GMEB2: variants seen among roughly 807,000 people sequenced by gnomAD.
GMEB2 encodes the protein glucocorticoid modulatory element-binding protein 2.
GMEB2 carries 7 observed loss-of-function variants against 45.7 expected under a neutral mutation model. That is an observed-to-expected ratio of 0.15 (90% CI 0.09 to 0.29). The LOEUF (loss-of-function observed/expected upper bound fraction) is 0.29, where lower values mean the gene tolerates loss of function less well. Among genes scored for constraint, GMEB2 ranks in the 10% least tolerant of loss-of-function variants. GMEB2 has a pLI of 1.00. For synonymous variants in GMEB2, 322 were observed against 323.6 expected, an observed-to-expected ratio of 1.00 and a Z score of 0.05; for missense variants, 582 against 739.2, an observed-to-expected ratio of 0.79 and a Z score of 2.47.
intron 4 of GMEB2, among the ~76,000 whole-genome samples, chr20:63,601,335 C>A (rs1274403185): frequency 6.6e-6 from 1 of 152,130 alleles, no homozygotes; most frequent in Non-Finnish European, 1.5e-5. Context: ...CTCAGACTCT[C>A]TCTCCTCCTT....
At chr20:63,611,174 A>T (rs2089567254) in intron 2 of GMEB2, among the ~76,000 whole-genome samples, 2 of 152,220 alleles carry the variant, frequency 1.3e-5, no homozygotes, top group South Asian at 4.1e-4. Context: ...CCAGCCTGGG[A>T]CACACAGCAC....
chr20:63,597,282 T>C (rs1435700467), intron 5 of GMEB2, among the ~76,000 whole-genome samples: 1 of 150,730 alleles, frequency 6.6e-6, no homozygotes, highest in East Asian at 1.9e-4. Context: ...CACCTTAGCC[T>C]CTCGAGCAGC....
intron 1 of GMEB2, among the ~76,000 whole-genome samples, chr20:63,622,803 A>C (rs1038855079): frequency 5.3e-5 from 8 of 152,230 alleles, no homozygotes; most frequent in Admixed American, 3.9e-4. Flanking sequence ...TGGTGGTTAA[A>C]CACCATGAAG....
Position 63,590,708 on chromosome 20 carries a change from T to G in GMEB2, c.974A>C (p.Glu325Ala), listed in dbSNP as rs986357667. 1 of 1,518,372 alleles carries G rather than the reference T, an allele frequency of 6.6e-7. No homozygotes were observed. The highest frequency in any genetic ancestry group is 8.9e-7 in the Non-Finnish European group (1 of 1,128,514). The allele number at this position is 1,518,372 out of a possible 1,614,324, so 94.1% of individuals were successfully genotyped here. Reference protein sequence around the residue: ...DLAALEQQCDEHRRRAKELKH... With the variant: ...DLAALEQQCDAHRRRAKELKH... ...CAGCTCCTTGGCTCGGCGACGATGC[T>G]CATCACACTGCTGCTCCAGGGCTGC... The change falls in exon 10 of 10, where the codon GAG becomes GCG. Residue 325 changes from glutamate (E) to alanine (A), a missense_variant. This residue lies in a region of GMEB2 where 462 missense variants were observed against 586.7 expected (regional missense o/e 0.79). Transcript: ENST00000370077.
In GMEB2 at chr20:63,593,012, T is replaced by C. The variant is rs1309259689; in HGVS notation, c.690A>G (p.Gly230=). ...EDPGDWTAAI[G]DDTFTFWRGL... ...AGCCCACAAGGAGGAACCTCGTACC[T>C]CCAATGGCCGCGGTCCAGTCGCCAG... Residue 230 remains glycine, a splice_region_variant and synonymous_variant, in exon 7 of 10, where the codon GGA becomes GGG. Coordinates refer to ENST00000370077, the MANE Select transcript of GMEB2 (RefSeq NM_012384.5). This position sits in a 1 kb window ranked among gnomAD's most constrained non-coding sequence, Gnocchi z 4.7. The C allele has an allele frequency of 6.2e-7, 1 of 1,604,112 alleles. No homozygotes were observed. The highest frequency in any genetic ancestry group is 1.7e-5 in the Admixed American group (1 of 59,492).
chr20:63,597,714 G>C (rs1039762611), intron 5 of GMEB2, 43 bp downstream of exon 5: 3 of 1,058,806 alleles, frequency 2.8e-6, no homozygotes, highest in Admixed American at 3.4e-5. Context: ...AGAGCTGCCA[G>C]GGCCCCTTCC....
intron 1 of GMEB2, among the ~76,000 whole-genome samples, chr20:63,625,584 G>A (rs1175513258): frequency 6.6e-6 from 1 of 151,164 alleles, no homozygotes; most frequent in Non-Finnish European, 1.5e-5. Context: ...AATCAGATAT[G>A]AGAAAATATT....
chr20:63,616,098 T>C (rs988847064), intron 2 of GMEB2, among the ~76,000 whole-genome samples: 4 of 152,248 alleles, frequency 2.6e-5, no homozygotes, highest in Non-Finnish European at 5.9e-5. Context: ...AAAATGGTTA[T>C]ATTTAATTTT....
Position 63,590,261 on chromosome 20 carries a change from G to A in GMEB2, c.1421C>T (p.Pro474Leu). ...DGSTVFKVVS[P>L]LQLLTLPGLG... is the part of the protein sequence containing the mutation. Reference sequence around the variant, plus strand: ...GCCAGGCAACGTGAGCAGCTGTAGCGGGCTGACCACCTTGAACACCGTGCT... The same window carrying A: ...GCCAGGCAACGTGAGCAGCTGTAGCAGGCTGACCACCTTGAACACCGTGCT... Residue 474 changes from proline (P) to leucine (L), a missense_variant, in exon 10 of 10, where the codon CCG becomes CTG. Coordinates refer to ENST00000370077, the MANE Select transcript of GMEB2 (RefSeq NM_012384.5). 1 of 1,612,488 alleles carries A rather than the reference G, an allele frequency of 6.2e-7. No homozygotes were observed. The highest frequency in any genetic ancestry group is 8.5e-7 in the Non-Finnish European group (1 of 1,179,800).
rs762408424 is a variant in GMEB2 at position 63,592,004 on chromosome 20, G to A, written c.952+18C>T. The A allele has an allele frequency of 1.2e-6, 2 of 1,603,164 alleles. No homozygotes were observed. Among genetic ancestry groups the A allele is most frequent in the African/African-American group, 1.3e-5 (1 of 74,960 alleles). On this transcript the variant is annotated intron_variant, in intron 9 of 9. Transcript: ENST00000370077. The surrounding 1 kb of genome is among the most constrained non-coding windows in gnomAD (Gnocchi z 8.2). ...AGCCTACCGCCCAGGGGACGGGACGGGGGTGGTCTCAGCATACCTGCCAGG... is the reference window on the plus strand; with the variant it reads ...AGCCTACCGCCCAGGGGACGGGACGAGGGTGGTCTCAGCATACCTGCCAGG...
chr20:63,618,841 T>C (rs571848924), intron 2 of GMEB2, among the ~76,000 whole-genome samples: 3 of 152,346 alleles, frequency 2.0e-5, no homozygotes, highest in African/African-American at 4.8e-5. Context: ...TTTGGGCAAA[T>C]GTTAGCGTTT....
chr20:63,601,670 C>T (rs1356578610), intron 4 of GMEB2, among the ~76,000 whole-genome samples: 3 of 152,244 alleles, frequency 2.0e-5, no homozygotes, highest in Admixed American at 6.5e-5. Context: ...CCATGGCACC[C>T]GGCCTCTTTT....
At chr20:63,599,203 G>GCAGCCGC (rs1569050880) in intron 4 of GMEB2, among the ~76,000 whole-genome samples, 2 of 148,156 alleles carry the variant, frequency 1.3e-5, no homozygotes, top group Admixed American at 6.7e-5. Flanking sequence ...CGGAGCTAAC[G>GCAGCCGC]TGGCCGCTCC....
intron 4 of GMEB2, among the ~76,000 whole-genome samples, chr20:63,598,831 G>A (rs1210479743): frequency 2.6e-5 from 4 of 152,214 alleles, no homozygotes; most frequent in African/African-American, 7.2e-5. Flanking sequence ...CACTGGCTGT[G>A]ACTGAGGCTG....
At chr20:63,624,865 G>A (rs879275272) in intron 1 of GMEB2, among the ~76,000 whole-genome samples, 4 of 150,892 alleles carry the variant, frequency 2.7e-5, no homozygotes, top group Admixed American at 6.6e-5. Context: ...CCACCACCAC[G>A]CCCGGCTAAT....
intron 2 of GMEB2, among the ~76,000 whole-genome samples, chr20:63,607,241 C>T (rs1432839599): frequency 1.4e-5 from 2 of 140,462 alleles, no homozygotes; most frequent in Non-Finnish European, 3.1e-5. Context: ...TGACCCACCT[C>T]CATTTCTAGA....
chr20:63,612,588 C>T (rs2089578940), intron 2 of GMEB2, among the ~76,000 whole-genome samples: 1 of 152,244 alleles, frequency 6.6e-6, no homozygotes, highest in South Asian at 2.1e-4. Flanking sequence ...CTTAGCTCTG[C>T]CCTTGAACCA....
Position 63,590,338 on chromosome 20 carries a change from G to A in GMEB2, c.1344C>T (p.His448=), listed in dbSNP as rs981055401. 2 of 1,612,138 alleles carry A rather than the reference G, an allele frequency of 1.2e-6. No homozygotes were observed. Among genetic ancestry groups the A allele is most frequent in the South Asian group, 2.2e-5 (2 of 91,046 alleles). The change falls in exon 10 of 10, where the codon CAC becomes CAT. Residue 448 remains histidine (H), a synonymous_variant. Transcript: ENST00000370077. Reference sequence around the variant, plus strand: ...GGACCGTGAGGCTGGACGCGTCCGGGTGGATCTCCACTGTGCTGGGGTAGG... The same window carrying A: ...GGACCGTGAGGCTGGACGCGTCCGGATGGATCTCCACTGTGCTGGGGTAGG... The part of the protein sequence containing the change: ...GSTYPSTVEI[H]PDASSLTVLS...
Position 63,619,680 on chromosome 20 carries a change from G to A in GMEB2, c.-57-226C>T, listed in dbSNP as rs1261221615. 1 of 267,372 alleles carries A rather than the reference G, an allele frequency of 3.7e-6. No individual in the cohort carries two copies. The highest frequency in any genetic ancestry group is 7.2e-6 in the Non-Finnish European group (1 of 138,118). 16.6% of individuals were successfully genotyped at this position (267,372 alleles called of 1,614,324 possible). A position where few individuals can be genotyped will look rare whatever the true frequency, so the allele number is the denominator to read the frequency against. On this transcript the variant is annotated intron_variant, in intron 1 of 9. Transcript: ENST00000370077. The surrounding 1 kb of genome is among the most constrained non-coding windows in gnomAD (Gnocchi z 4.6). The stretch of plus-strand genomic sequence containing the variant: ...TCCCACTGGATAAGCCGAAACCCTT[G>A]GGTAGAAAGCACAGAGCCACTCCCT...
Sources: allele counts gnomAD v4.1 joint callset (sites outside exome capture counted in the v4.1 genomes callset), GRCh38; gene constraint gnomAD v4.1.1; regional missense constraint gnomAD v4.1.1; non-coding constraint Gnocchi (gnomAD v3.1); transcripts MANE v1.5; gene names NCBI Gene and HGNC (gene_info 2026-07-23, HGNC 2026-07-21).